Variants in MAP4 observed in about 807,000 individuals in gnomAD.
MAP4 encodes microtubule associated protein 4.
A neutral mutation model predicts 170.2 loss-of-function variants in MAP4; 76 were observed. The observed-to-expected ratio is 0.45, with a 90% CI of 0.37 to 0.54. The LOEUF is 0.54. MAP4 is among the 20% of genes least tolerant of loss of function. MAP4 has a pLI of 0.00. For missense variants in MAP4, 2,506 were observed against 2,748.0 expected (o/e 0.91, Z 1.97); for synonymous variants, 909 against 994.5 (o/e 0.91, Z 1.62).
intron 18 of MAP4, among the ~76,000 whole-genome samples, chr3:47,856,883 C>T (rs1395495984): frequency 4.6e-5 from 7 of 152,226 alleles, no homozygotes; most frequent in Non-Finnish European, 4.4e-5. Flanking sequence ...TAGGGGACTA[C>T]CCAAGGCAAG....
At chr3:47,874,140 C>G (rs545901840) in intron 12 of MAP4, among the ~76,000 whole-genome samples, 5 of 152,298 alleles carry the variant, frequency 3.3e-5, no homozygotes, top group African/African-American at 1.2e-4. Context: ...AATCGCTGGG[C>G]CTCTCTGAGC....
In MAP4 at chr3:47,881,449, T is replaced by C. The variant is rs1340528546; in HGVS notation, c.5435-3926A>G. 4.7e-4 allele frequency among the ~76,000 whole-genome samples: 5 copies of C among 10,652 alleles called. No individual in the cohort carries two copies. In the South Asian group the frequency reaches 0.019, roughly 40 times the overall value. 7.0% of individuals were successfully genotyped at this position (10,652 alleles called of 152,430 possible). On this transcript the variant is annotated intron_variant, in intron 10 of 20. Coordinates refer to ENST00000683076, the MANE Select transcript of MAP4 (RefSeq NM_001385682.1). Reference sequence around the variant, plus strand: ...CCTGGGCAACAAGAAAAAACAACTATATATATATATATATATATATATATA... The same window carrying C: ...CCTGGGCAACAAGAAAAAACAACTACATATATATATATATATATATATATA...
At chr3:48,028,771 CA>C (rs35837534) in intron 1 of MAP4, among the ~76,000 whole-genome samples, 89,538 of 142,058 alleles carry the variant, frequency 0.63, 27,981 homozygotes, top group East Asian at 0.73. Context: ...GACTCCTTCT[CA>C]AAAAAAAAAA....
At chr3:48,004,290 C>T (rs1292521007) in intron 1 of MAP4, among the ~76,000 whole-genome samples, 1 of 152,094 alleles carries the variant, frequency 6.6e-6, no homozygotes, top group African/African-American at 2.4e-5. Context: ...CATTCATAGT[C>T]CTTGGCGTGA....
intron 1 of MAP4, among the ~76,000 whole-genome samples, chr3:48,034,557 A>G (rs2100117822): frequency 6.6e-6 from 1 of 151,734 alleles, no homozygotes; most frequent in South Asian, 2.1e-4. Flanking sequence ...ACAAAAAAAG[A>G]GCTAAGCATT....
At chr3:47,948,289 A>G (rs368707086) in intron 3 of MAP4, among the ~76,000 whole-genome samples, 3 of 143,882 alleles carry the variant, frequency 2.1e-5, no homozygotes, top group East Asian at 4.1e-4. Flanking sequence ...GATGGAGTGC[A>G]GTGTTGTGAT....
chr3:47,938,473 A>G (rs1415054712), intron 3 of MAP4, among the ~76,000 whole-genome samples: 4 of 152,190 alleles, frequency 2.6e-5, no homozygotes, highest in Non-Finnish European at 4.4e-5. Flanking sequence ...TCCTGGGCTC[A>G]AGCAATCCTC....
chr3:47,931,308 G>C (rs1196655050), intron 3 of MAP4, among the ~76,000 whole-genome samples: 1 of 152,104 alleles, frequency 6.6e-6, no homozygotes. Flanking sequence ...TTGAGCCTGG[G>C]AAGTCGAGGC....
Position 47,909,794 on chromosome 3 carries a change from T to C in MAP4, c.4627A>G (p.Ile1543Val). 1.2e-6 allele frequency: 2 copies of C among 1,614,062 alleles called. No homozygotes were observed. Among genetic ancestry groups the C allele is most frequent in the Non-Finnish European group, 1.7e-6 (2 of 1,179,904 alleles). ...LADSMKNEAG[I>V]DEGHVIGESE... Reference sequence around the variant, plus strand: ...TCTCCTATCACATGCCCTTCATCGATCCCTGCTTCATTTTTCATGGAATCA... The same window carrying C: ...TCTCCTATCACATGCCCTTCATCGACCCCTGCTTCATTTTTCATGGAATCA... Residue 1543 changes from isoleucine to valine, a missense_variant, in exon 9 of 21, where the codon ATC (isoleucine) becomes GTC (valine). Coordinates refer to ENST00000683076, the MANE Select transcript of MAP4 (RefSeq NM_001385682.1).
chr3:47,938,040 C>T lies in MAP4; in HGVS notation c.293-9690G>A, dbSNP rs569428340. On this transcript the variant is annotated intron_variant, in intron 3 of 20. Coordinates refer to ENST00000683076, the MANE Select transcript of MAP4 (RefSeq NM_001385682.1). ...AAGGAGGGAGAGAACAGCTGGGCAC[C>T]AGCAGACATATTTGAGTTCTTACTT... Among the ~76,000 whole-genome samples, 3 of 151,870 alleles carry T rather than the reference C, an allele frequency of 2.0e-5. No homozygotes were observed. The South Asian group carries it at 6.2e-4, about 32-fold the overall frequency.
At chr3:48,067,276 GA>G (rs34107421) in intron 1 of MAP4, among the ~76,000 whole-genome samples, 1,534 of 150,774 alleles carry the variant, frequency 0.01, 30 homozygotes, top group African/African-American at 0.035. Flanking sequence ...CAGTAGAGGG[GA>G]AAAAAAAACC....
chr3:48,029,238 G>A (rs1448283643), intron 1 of MAP4, among the ~76,000 whole-genome samples: 2 of 152,088 alleles, frequency 1.3e-5, no homozygotes, highest in Non-Finnish European at 2.9e-5. Flanking sequence ...AGGAGTTCAA[G>A]ACCAGCCTGG....
chr3:47,916,688 G>C lies in MAP4; in HGVS notation c.1139C>G (p.Thr380Arg). 6.2e-7 allele frequency: 1 copy of C among 1,614,136 alleles called. No homozygotes were observed. The change falls in exon 7 of 21, where the codon ACA (threonine) becomes AGA (arginine). Residue 380 changes from threonine (T) to arginine (R), a missense_variant. By Grantham distance (71) the Thr-to-Arg change is moderately conservative. Around this residue, in one of 3 missense-constraint regions of MAP4, gnomAD observed 2,008 missense variants for 2,206.0 expected, o/e 0.91. Coordinates refer to ENST00000683076, the MANE Select transcript of MAP4 (RefSeq NM_001385682.1). Reference sequence around the variant, plus strand: ...CATTTTTATAGGAGATGCCCTCTCTGTTTCTTTCTTGTTTTCTTTGGGTGG... The same window carrying C: ...CATTTTTATAGGAGATGCCCTCTCTCTTTCTTTCTTGTTTTCTTTGGGTGG... ...MGPPKENKKETERASPIKMDL... is the reference protein window; with the variant it reads ...MGPPKENKKERERASPIKMDL...
chr3:47,913,113 T>C (rs2153545170), intron 8 of MAP4, among the ~76,000 whole-genome samples: 1 of 152,298 alleles, frequency 6.6e-6, no homozygotes, highest in East Asian at 1.9e-4. Flanking sequence ...CAGAGAAATA[T>C]ATATAATGTT....
rs151240292 is a variant in MAP4 at position 47,999,158 on chromosome 3, T to C, written c.-19-279A>G. ...GCAATTGCAATTGTGTCCTTTCTAT[T>C]TATAAGAAAAGTGAGGTGTAAAAAA... On this transcript the variant is annotated intron_variant, in intron 1 of 20. Transcript: ENST00000683076. Among the ~76,000 whole-genome samples, 570 of 152,260 alleles carry C rather than the reference T, an allele frequency of 3.7e-3. 4 individuals are homozygous for C. The highest frequency in any genetic ancestry group is 0.012 in the South Asian group (57 of 4,820).
At chr3:47,896,295 C>T (rs1427258746) in intron 10 of MAP4, among the ~76,000 whole-genome samples, 5 of 151,716 alleles carry the variant, frequency 3.3e-5, no homozygotes, top group Non-Finnish European at 7.4e-5. Context: ...TTTGGGAGGC[C>T]GAGGCGGGAG....
chr3:47,978,745 CCT>C (rs908657463), intron 2 of MAP4, among the ~76,000 whole-genome samples: 3 of 150,476 alleles, frequency 2.0e-5, no homozygotes, highest in African/African-American at 7.3e-5. Flanking sequence ...TTTTTTTTTC[CCT>C]CTTTTTTTTT....
chr3:48,064,916 A>G (rs1031849122), intron 1 of MAP4, among the ~76,000 whole-genome samples: 1 of 152,172 alleles, frequency 6.6e-6, no homozygotes, highest in Non-Finnish European at 1.5e-5. Flanking sequence ...TTACATCACT[A>G]GGCAATGAAA....
intron 10 of MAP4, among the ~76,000 whole-genome samples, chr3:47,890,138 T>A (rs2098311493): frequency 6.6e-6 from 1 of 152,150 alleles, no homozygotes; most frequent in African/African-American, 2.4e-5. Flanking sequence ...ATTTACAAGT[T>A]TGTGAATTAT....
Sources: gnomAD v4.1 joint callset for allele counts (sites outside exome capture counted in the v4.1 genomes callset) on GRCh38, gnomAD v4.1.1 for gene constraint, gnomAD v4.1.1 regional missense constraint, MANE v1.5 for transcripts, NCBI Gene and HGNC (gene_info 2026-07-23, HGNC 2026-07-21) for gene names.